The following PRDM14 variants were observed in gnomAD, a reference collection of about 807,000 sequenced individuals.
PRDM14 encodes the protein PR/SET domain 14, also known as PR domain zinc finger protein 14.
A neutral mutation model predicts 48.0 loss-of-function variants in PRDM14; 16 were observed. The observed-to-expected ratio is 0.33, with a 90% confidence interval of 0.23 to 0.51. The LOEUF is 0.51. Ranked by LOEUF, PRDM14 falls within the 20% of genes least tolerant of loss-of-function variation. PRDM14 has a pLI of 0.97. For missense variants in PRDM14, 566 were observed against 719.6 expected, an observed-to-expected ratio of 0.79 and a Z score of 2.44; for synonymous variants, 264 against 276.6, an observed-to-expected ratio of 0.95 and a Z score of 0.45.
chr8:70,054,122 G>T (rs1007770502), intron 7 of PRDM14, among the ~76,000 whole-genome samples: 1 of 152,198 alleles, frequency 6.6e-6, no homozygotes, highest in Non-Finnish European at 1.5e-5. Flanking sequence ...TGTCTAAAGC[G>T]TGGTCAACCT....
At chr8:70,062,092 A>G (rs1362186060) in intron 5 of PRDM14, among the ~76,000 whole-genome samples, 2 of 152,256 alleles carry the variant, frequency 1.3e-5, no homozygotes, top group African/African-American at 2.4e-5. Context: ...ATTAACATTC[A>G]TTTATAATTA....
rs1249662523 is a variant in PRDM14 at position 70,069,734 on chromosome 8, G to C, written c.127C>G (p.Leu43Val). 3 of 1,598,662 alleles carry C rather than the reference G, an allele frequency of 1.9e-6. No individual in the cohort carries two copies. Among genetic ancestry groups the C allele is most frequent in the Middle Eastern group, 1.6e-4 (1 of 6,066 alleles). ...TGGAAGTCTTCCTCCACGGTGGCCAGGCTGTTTCTGTAGTGTCCATAGGAC... is the reference window on the plus strand; with the variant it reads ...TGGAAGTCTTCCTCCACGGTGGCCACGCTGTTTCTGTAGTGTCCATAGGAC... ...FPSYGHYRNSLATVEEDFQPF... is the reference protein window; with the variant it reads ...FPSYGHYRNSVATVEEDFQPF... The change falls in exon 2 of 8, where the codon CTG (leucine) becomes GTG (valine). Residue 43 changes from leucine to valine, a missense_variant. Physicochemically the swap from Leu to Val is conservative, Grantham distance 32 (BLOSUM62 1). This residue lies in a region of PRDM14 where 410 missense variants were observed against 424.6 expected (regional missense o/e 0.97). Coordinates refer to ENST00000276594, the MANE Select transcript of PRDM14 (RefSeq NM_024504.4).
chr8:70,066,824 C>T (rs1222982609), intron 4 of PRDM14, among the ~76,000 whole-genome samples: 3 of 152,054 alleles, frequency 2.0e-5, no homozygotes, highest in Non-Finnish European at 2.9e-5. Flanking sequence ...TTCCTGGGCT[C>T]AAATGATCCT....
intron 7 of PRDM14, among the ~76,000 whole-genome samples, chr8:70,052,865 CAAAAA>C (rs71275047): frequency 0.037 from 882 of 24,146 alleles, 3 homozygotes; most frequent in Non-Finnish European, 0.047. Context: ...ACTCTGTCTC[CAAAAA>C]AAAAAAAAAA....
rs1356165018 is a variant in PRDM14 at position 70,069,512 on chromosome 8, T to C, written c.349A>G (p.Ser117Gly). 8 of 1,598,830 alleles carry C rather than the reference T, an allele frequency of 5.0e-6. No individual in the cohort carries two copies. The highest frequency in any genetic ancestry group is 6.8e-6 in the Non-Finnish European group (8 of 1,171,578). The change falls in exon 2 of 8, where the codon AGC becomes GGC. Residue 117 changes from serine to glycine, a missense_variant. Ser to Gly is a moderately conservative substitution (Grantham distance 56). Around this residue, in one of 3 missense-constraint regions of PRDM14, gnomAD observed 410 missense variants for 424.6 expected, o/e 0.97. Coordinates refer to ENST00000276594, the MANE Select transcript of PRDM14 (RefSeq NM_024504.4). ...VPREVPPFLS[S>G]SHEYAGASSE... ...CTGGCACCCGCGTACTCGTGGCTGC[T>C]GCTCAGGAAGGGCGGCACTTCCCTG... is the stretch of plus-strand genomic sequence containing the variant.
At chr8:70,063,121 G>T (rs1805612772) in intron 5 of PRDM14, among the ~76,000 whole-genome samples, 1 of 152,076 alleles carries the variant, frequency 6.6e-6, no homozygotes, top group African/African-American at 2.4e-5. Flanking sequence ...GTAATAATTT[G>T]ATACATACGG....
At chr8:70,059,210 C>A (rs527747975) in intron 5 of PRDM14, among the ~76,000 whole-genome samples, 59 of 152,190 alleles carry the variant, frequency 3.9e-4, no homozygotes, top group African/African-American at 1.4e-3. Context: ...CCCTCTTGGC[C>A]TCCCAAAGTG....
chr8:70,055,438 CT>C, intron 6 of PRDM14, 37 bp from the exon 7 acceptor site: 1 of 1,141,620 alleles, frequency 8.8e-7, no homozygotes, highest in East Asian at 2.4e-5. Context: ...GAAATCACAC[CT>C]TCCTCTAACA....
chr8:70,065,497 G>A (rs1047338926), intron 5 of PRDM14, among the ~76,000 whole-genome samples: 1 of 152,092 alleles, frequency 6.6e-6, no homozygotes, highest in East Asian at 1.9e-4. Flanking sequence ...ACCAGGACCA[G>A]CAGCACTCCC....
At chr8:70,059,658 A>G (rs1197374803) in intron 5 of PRDM14, among the ~76,000 whole-genome samples, 1 of 152,204 alleles carries the variant, frequency 6.6e-6, no homozygotes, top group African/African-American at 2.4e-5. Flanking sequence ...CTCATGTGCC[A>G]AACACCAAGC....
chr8:70,062,948 T>C (rs1698118094), intron 5 of PRDM14, among the ~76,000 whole-genome samples: 1 of 152,214 alleles, frequency 6.6e-6, no homozygotes, highest in Non-Finnish European at 1.5e-5. Flanking sequence ...CATCATTTAC[T>C]TAATTATTAT....
Position 70,052,064 on chromosome 8 carries a change from G to T in PRDM14, c.*13C>A. The stretch of plus-strand genomic sequence containing the variant: ...GCTGGGATTACAGGCGTGAGTCATT[G>T]TGCCTGGCAGGGCTAGTAGTCTTCA... On this transcript the variant is annotated 3_prime_UTR_variant, in exon 8 of 8. Coordinates refer to ENST00000276594, the MANE Select transcript of PRDM14 (RefSeq NM_024504.4). 6.4e-7 allele frequency: 1 copy of T among 1,565,936 alleles called. No individual in the cohort carries two copies. Among genetic ancestry groups the T allele is most frequent in the Non-Finnish European group, 8.7e-7 (1 of 1,146,592 alleles).
At chr8:70,068,452 G>T (rs772355986) in intron 3 of PRDM14, 27 bp downstream of exon 3, 1 of 1,614,022 alleles carries the variant, frequency 6.2e-7, no homozygotes, top group Non-Finnish European at 8.5e-7. Flanking sequence ...TTCAGGGAAA[G>T]AAATCCATGC....
In PRDM14 at chr8:70,069,239, C is replaced by G. The variant is rs759115549; in HGVS notation, c.622G>C (p.Gly208Arg). Residue 208 changes from glycine to arginine, a missense_variant, in exon 2 of 8, where the codon GGG (glycine) becomes CGG (arginine). Transcript: ENST00000276594. Reference sequence around the variant, plus strand: ...GGGTGCTCCAGGCTGGGAGTGACCCCGTACAGAACGAAGTGCAGGTCCTCC... The same window carrying G: ...GGGTGCTCCAGGCTGGGAGTGACCCGGTACAGAACGAAGTGCAGGTCCTCC... The part of the protein sequence containing the change: ...TEEDLHFVLY[G>R]VTPSLEHPAS... The G allele has an allele frequency of 6.3e-7, 1 of 1,598,658 alleles. No individual in the cohort carries two copies. The highest frequency in any genetic ancestry group is 1.1e-5 in the South Asian group (1 of 87,512).
At chr8:70,055,483 G>T in intron 6 of PRDM14, 82 bp from the exon 7 acceptor site, 1 of 749,768 alleles carries the variant, frequency 1.3e-6, no homozygotes. Context: ...CCTGGGGTTA[G>T]AGAAGAACTC....
chr8:70,062,694 G>C (rs1453953001), intron 5 of PRDM14, among the ~76,000 whole-genome samples: 4 of 152,120 alleles, frequency 2.6e-5, no homozygotes, highest in Admixed American at 2.6e-4. Context: ...TCAAACTCCT[G>C]ATCTCAGGTG....
At position 70,069,174 on chromosome 8, in the gene PRDM14, G is replaced by A. The variant is rs777917348; in HGVS notation, c.687C>T (p.Pro229=). The A allele has an allele frequency of 1.3e-6, 2 of 1,513,678 alleles. No individual in the cohort carries two copies. The highest frequency in any genetic ancestry group is 1.4e-5 in the African/African-American group (1 of 72,128). The allele number at this position is 1,513,678 out of a possible 1,614,324, so 93.8% of individuals were successfully genotyped here. ...AACTCCCTTTACCAGAGCTGTCTGG[G>A]GGGACCAGGAGGCCTGAAATCGCAT... ...LHHAISGLLV[P]PDSSGSDSLP... The change falls in exon 2 of 8, where the codon CCC becomes CCT. Residue 229 remains proline, a synonymous_variant. Coordinates refer to ENST00000276594, the MANE Select transcript of PRDM14 (RefSeq NM_024504.4).
intron 6 of PRDM14, among the ~76,000 whole-genome samples, chr8:70,056,677 G>A (rs1805477541): frequency 6.6e-6 from 1 of 151,828 alleles, no homozygotes. Flanking sequence ...AGCTGAGCAT[G>A]GTGGCATGCA....
In PRDM14 at chr8:70,068,513, T is replaced by C. The variant is rs750741522; in HGVS notation, c.720A>G (p.Gln240=). The C allele has an allele frequency of 1.2e-6, 2 of 1,614,058 alleles. No homozygotes were observed. Among genetic ancestry groups the C allele is most frequent in the Non-Finnish European group, 1.7e-6 (2 of 1,179,992 alleles). The part of the protein sequence containing the change: ...PDSSGSDSLP[Q]TLDKDSLQLP... ...GTTGAAGGGAGTCTTTATCCAGAGT[T>C]TGAGGAAGAGAATCAGATCCTAGCA... is the stretch of plus-strand genomic sequence containing the variant. Residue 240 remains glutamine, a synonymous_variant, in exon 3 of 8, where the codon CAA becomes CAG. Coordinates refer to ENST00000276594, the MANE Select transcript of PRDM14 (RefSeq NM_024504.4).
Sources: gnomAD v4.1 joint callset for allele counts (sites outside exome capture counted in the v4.1 genomes callset) on GRCh38, gnomAD v4.1.1 for gene constraint, gnomAD v4.1.1 regional missense constraint, MANE v1.5 for transcripts, NCBI Gene and HGNC (gene_info 2026-07-23, HGNC 2026-07-21) for gene names.